Variants in IL1RAPL1 observed in about 807,000 individuals in gnomAD.
The protein encoded by IL1RAPL1 is interleukin 1 receptor accessory protein like 1, also known as interleukin-1 receptor accessory protein-like 1.
In IL1RAPL1, 3 loss-of-function variants were observed where a neutral mutation model predicts 48.4. The ratio of observed to expected loss-of-function variants is 0.06; its 90% CI spans 0.03 to 0.16. IL1RAPL1 has a LOEUF of 0.16. Ranked by LOEUF, IL1RAPL1 falls within the 10% of genes least tolerant of loss-of-function variation. The probability of loss-of-function intolerance (pLI) is 1.00; values close to 1 mark genes in which losing one functional copy is unlikely to be tolerated. For missense variants in IL1RAPL1, 349 were observed against 530.6 expected (o/e 0.66, Z 3.36); for synonymous variants, 185 against 187.7 (o/e 0.99, Z 0.12).
At chrX:29,563,745 A>ATC (rs1922313081) in intron 5 of IL1RAPL1, among the ~76,000 whole-genome samples, 1 of 112,055 alleles carries the variant, frequency 8.9e-6, no homozygotes, top group African/African-American at 3.2e-5. Context: ...CTGAACGGTC[A>ATC]TCTTATTTAG....
intron 3 of IL1RAPL1, among the ~76,000 whole-genome samples, chrX:29,314,379 C>A (rs1412745295): frequency 8.9e-6 from 1 of 111,958 alleles, no homozygotes; most frequent in African/African-American, 3.2e-5. Context: ...GAGTAAATAG[C>A]TGTTGAATAA....
At chrX:29,239,318 G>A (rs184604957) in intron 2 of IL1RAPL1, among the ~76,000 whole-genome samples, 1 of 112,185 alleles carries the variant, frequency 8.9e-6, no homozygotes, top group East Asian at 2.8e-4. Flanking sequence ...ATAGAAAACT[G>A]TTACAACTAA....
At chrX:29,546,528 C>T (rs916075727) in intron 5 of IL1RAPL1, among the ~76,000 whole-genome samples, 4 of 111,494 alleles carry the variant, frequency 3.6e-5, no homozygotes, top group African/African-American at 1.3e-4. Flanking sequence ...CTATTTAGAA[C>T]CAGCTAAGAT....
intron 3 of IL1RAPL1, among the ~76,000 whole-genome samples, chrX:29,390,352 T>G (rs1381756701): frequency 9.0e-6 from 1 of 111,523 alleles, no homozygotes; most frequent in Non-Finnish European, 1.9e-5. Context: ...GCCTTCATTC[T>G]TACAAAAAGG....
intron 2 of IL1RAPL1, among the ~76,000 whole-genome samples, chrX:29,101,110 AG>A (rs1448872928): frequency 1.8e-5 from 2 of 111,903 alleles, no homozygotes; most frequent in African/African-American, 6.5e-5. Context: ...ACCTTTAGCC[AG>A]ACTAACTAAG....
At chrX:29,633,476 C>T (rs867499247) in intron 5 of IL1RAPL1, among the ~76,000 whole-genome samples, 8 of 107,032 alleles carry the variant, frequency 7.5e-5, no homozygotes, top group African/African-American at 1.0e-4. Flanking sequence ...TATACACACA[C>T]ACACACACAC....
chrX:28,665,438 C>A (rs1370517782), intron 1 of IL1RAPL1, among the ~76,000 whole-genome samples: 1 of 111,659 alleles, frequency 9.0e-6, no homozygotes, highest in African/African-American at 3.3e-5. Context: ...CACTGGGTGT[C>A]CTGTATTTTT....
intron 5 of IL1RAPL1, among the ~76,000 whole-genome samples, chrX:29,573,414 A>G (rs976723918): frequency 1.8e-5 from 2 of 112,133 alleles, no homozygotes; most frequent in African/African-American, 3.2e-5. Context: ...TCTTTCCCCA[A>G]CTCAAATAAG....
At chrX:29,056,515 CAG>C (rs1429789277) in intron 2 of IL1RAPL1, among the ~76,000 whole-genome samples, 1 of 111,941 alleles carries the variant, frequency 8.9e-6, no homozygotes, top group African/African-American at 3.2e-5. Context: ...CTGATATTAA[CAG>C]AGGATTAACT....
At chrX:29,367,558 TTATTTATTTATTTATTTA>T (rs1432735727) in intron 3 of IL1RAPL1, among the ~76,000 whole-genome samples, 9 of 101,278 alleles carry the variant, frequency 8.9e-5, no homozygotes, top group Non-Finnish European at 1.8e-4. Flanking sequence ...TTATTTTTAT[TTATTTATTTATTTATTTA>T]TTTATTTATT....
At chrX:29,242,378 T>A (rs539052631) in intron 2 of IL1RAPL1, among the ~76,000 whole-genome samples, 2 of 112,456 alleles carry the variant, frequency 1.8e-5, no homozygotes, top group Non-Finnish European at 3.8e-5. Flanking sequence ...TTAGACACTT[T>A]GGCTGTAAAT....
rs913650156 is a variant in IL1RAPL1 at position 28,587,686 on chromosome X, C to A, written c.-386C>A. ...ATTTTTTAAGAATTATTCTTATTTT[C>A]CCCTCTCTTTTTCTGCTCTCTCCTC... is the stretch of plus-strand genomic sequence containing the variant. On this transcript the variant is annotated 5_prime_UTR_variant, in exon 1 of 11. Coordinates refer to ENST00000378993, the MANE Select transcript of IL1RAPL1 (RefSeq NM_014271.4). 1 of 109,808 alleles carries A rather than the reference C, an allele frequency of 9.1e-6. No homozygotes were observed. Among genetic ancestry groups the A allele is most frequent in the African/African-American group, 3.3e-5 (1 of 30,215 alleles). The allele number at this position is 109,808 out of a possible 1,213,427, so 9.0% of individuals were successfully genotyped here.
intron 2 of IL1RAPL1, among the ~76,000 whole-genome samples, chrX:28,918,782 G>A (rs1923548735): frequency 1.8e-5 from 2 of 111,471 alleles, no homozygotes; most frequent in African/African-American, 6.5e-5. Flanking sequence ...TCTGAGCTGG[G>A]AACACAGCAG....
intron 6 of IL1RAPL1, among the ~76,000 whole-genome samples, chrX:29,831,485 G>A (rs774870657): frequency 8.1e-5 from 9 of 111,798 alleles, no homozygotes; most frequent in Admixed American, 1.9e-4. Context: ...AAAATCTCTC[G>A]CAGTTTAATA....
chrX:28,652,653 A>G (rs1934696801), intron 1 of IL1RAPL1, among the ~76,000 whole-genome samples: 1 of 111,818 alleles, frequency 8.9e-6, no homozygotes, highest in South Asian at 3.7e-4. Flanking sequence ...TGAATCTCCA[A>G]GGATAGCCTC....
chrX:28,964,004 G>T (rs1444508134), intron 2 of IL1RAPL1, among the ~76,000 whole-genome samples: 1 of 111,025 alleles, frequency 9.0e-6, no homozygotes, highest in Non-Finnish European at 1.9e-5. Flanking sequence ...ATTGTTTTCT[G>T]TGCTTCGTAA....
chrX:29,045,309 T>C (rs1926930414), intron 2 of IL1RAPL1, among the ~76,000 whole-genome samples: 1 of 112,376 alleles, frequency 8.9e-6, no homozygotes, highest in Non-Finnish European at 1.9e-5. Flanking sequence ...TACTTTTTAT[T>C]TCACTATCGG....
chrX:29,020,997 A>C (rs1483077664), intron 2 of IL1RAPL1, among the ~76,000 whole-genome samples: 1 of 110,330 alleles, frequency 9.1e-6, no homozygotes, highest in Non-Finnish European at 1.9e-5. Context: ...AGGCCGAGGC[A>C]GGCGGATCAC....
chrX:29,515,737 G>A (rs1952719068), intron 5 of IL1RAPL1, among the ~76,000 whole-genome samples: 1 of 111,640 alleles, frequency 9.0e-6, no homozygotes, highest in South Asian at 3.7e-4. Flanking sequence ...GTAGAACAGT[G>A]TTGTCAGTGG....
Sources: gnomAD v4.1 joint callset for allele counts (sites outside exome capture counted in the v4.1 genomes callset) on GRCh38, gnomAD v4.1.1 for gene constraint, MANE v1.5 for transcripts, NCBI Gene and HGNC (gene_info 2026-07-23, HGNC 2026-07-21) for gene names.